GNS: variants seen among roughly 807,000 people sequenced by gnomAD.
GNS encodes N-acetylglucosamine-6-sulfatase.
In GNS, 40 loss-of-function variants were observed where a neutral mutation model predicts 69.7. That is an observed-to-expected ratio of 0.57 (90% CI 0.45 to 0.75). The LOEUF (loss-of-function observed/expected upper bound fraction) is 0.75, where lower values mean the gene tolerates loss of function less well. Ranked by LOEUF, GNS falls within the 30% of genes least tolerant of loss-of-function variation. GNS has a pLI of 0.00. For synonymous variants in GNS, 243 were observed against 251.6 expected (o/e 0.97, Z 0.32); for missense variants, 565 against 685.5 (o/e 0.82, Z 1.96).
intron 5 of GNS, among the ~76,000 whole-genome samples, chr12:64,743,780 A>T (rs1350200786): frequency 1.3e-5 from 2 of 152,248 alleles, no homozygotes; most frequent in Non-Finnish European, 2.9e-5. Flanking sequence ...TAAGTGAATA[A>T]TATTAGATTC....
In GNS at chr12:64,756,667, T is replaced by A. The variant is rs1231342326; in HGVS notation, c.192+2418A>T. 3 of 1,055,174 alleles carry A rather than the reference T, an allele frequency of 2.8e-6. No homozygotes were observed. The East Asian group carries it at 7.8e-5, about 27-fold the overall frequency. The allele number at this position is 1,055,174 out of a possible 1,614,324, so 65.4% of individuals were successfully genotyped here. A position where few individuals can be genotyped will look rare whatever the true frequency, so the allele number is the denominator to read the frequency against. ...AGCACAAGTATAAAAATCCTCATAC[T>A]CTGCTCGGCTCCAAGTAAGTTCTCA... On this transcript the variant is annotated intron_variant, in intron 1 of 13. Coordinates refer to ENST00000258145, the MANE Select transcript of GNS (RefSeq NM_002076.4).
Position 64,754,734 on chromosome 12 carries a change from T to C in GNS, c.193-1977A>G, listed in dbSNP as rs535930074. Among the ~76,000 whole-genome samples the C allele has an allele frequency of 6.4e-4, 97 of 151,854 alleles. 1 individual carries two copies. Among genetic ancestry groups the C allele is most frequent in the Admixed American group, 1.5e-3 (23 of 15,248 alleles). On this transcript the variant is annotated intron_variant, in intron 1 of 13. Transcript: ENST00000258145. Reference sequence around the variant, plus strand: ...CAAGACCCTGGCTCTACAAAAAATATAAAAATTAGCTGGGCATGGTAGTGC... The same window carrying C: ...CAAGACCCTGGCTCTACAAAAAATACAAAAATTAGCTGGGCATGGTAGTGC...
intron 6 of GNS, 98 bp from the exon 7 acceptor site, chr12:64,740,786 A>G: frequency 1.4e-6 from 1 of 722,872 alleles, no homozygotes; most frequent in Non-Finnish European, 2.5e-6. Context: ...CGTTTCACTC[A>G]TACTTCAGCA....
rs555393653 is a variant in GNS at position 64,726,760 on chromosome 12, T to G, written c.1200+2196A>C. Among the ~76,000 whole-genome samples the G allele has an allele frequency of 8.5e-5, 13 of 152,192 alleles. No homozygotes were observed. The South Asian group carries it at 2.1e-3, about 24-fold the overall frequency. On this transcript the variant is annotated intron_variant, in intron 10 of 13. Transcript: ENST00000258145. ...ATCAGCCTGCCTTAGCCTCCCAAATTGCTGGGATTACAGGTGTGAGCCACT... is the reference window on the plus strand; with the variant it reads ...ATCAGCCTGCCTTAGCCTCCCAAATGGCTGGGATTACAGGTGTGAGCCACT...
At chr12:64,750,854 G>A (rs1383732040) in intron 2 of GNS, among the ~76,000 whole-genome samples, 1 of 152,148 alleles carries the variant, frequency 6.6e-6, no homozygotes, top group African/African-American at 2.4e-5. Flanking sequence ...CAAGTCTTCA[G>A]TGAGCTACGT....
intron 9 of GNS, among the ~76,000 whole-genome samples, chr12:64,735,051 A>G (rs1317956115): frequency 1.3e-5 from 2 of 152,176 alleles, no homozygotes; most frequent in Non-Finnish European, 2.9e-5. Flanking sequence ...CGGAGCTTGC[A>G]GTGAGCTGAG....
chr12:64,749,335 C>A (rs1462524365), intron 2 of GNS, among the ~76,000 whole-genome samples: 1 of 145,026 alleles, frequency 6.9e-6, no homozygotes, highest in Non-Finnish European at 1.5e-5. Context: ...TCACTGCAAG[C>A]TCCGCCTCCT....
intron 9 of GNS, among the ~76,000 whole-genome samples, chr12:64,732,067 A>G (rs753867650): frequency 7.2e-5 from 11 of 151,880 alleles, no homozygotes; most frequent in Non-Finnish European, 1.5e-4. Flanking sequence ...GCTCACTGCA[A>G]TCTCCACCTC....
rs536075931 is a variant in GNS at position 64,745,821 on chromosome 12, G to A, written c.460-97C>T. The A allele has an allele frequency of 2.3e-5, 18 of 783,750 alleles. No homozygotes were observed. In the East Asian group the frequency reaches 4.6e-4, roughly 20 times the overall value. The allele number at this position is 783,750 out of a possible 1,614,324, so 48.5% of individuals were successfully genotyped here. ...TTACAATCTTTTTAGACCAGTGCCTGAAACATAGTAGGTACCTAATTTCCC... is the reference window on the plus strand; with the variant it reads ...TTACAATCTTTTTAGACCAGTGCCTAAAACATAGTAGGTACCTAATTTCCC... On this transcript the variant is annotated intron_variant, in intron 3 of 13. Coordinates refer to ENST00000258145, the MANE Select transcript of GNS (RefSeq NM_002076.4).
chr12:64,721,520 T>C, intron 12 of GNS, 75 bp downstream of exon 12: 1 of 798,682 alleles, frequency 1.3e-6, no homozygotes, highest in Non-Finnish European at 2.3e-6. Flanking sequence ...GGAATTGCTC[T>C]TATGCCACCA....
intron 9 of GNS, among the ~76,000 whole-genome samples, chr12:64,732,626 A>G (rs1490160623): frequency 6.7e-6 from 1 of 148,204 alleles, no homozygotes; most frequent in African/African-American, 2.5e-5. Context: ...ACACCTGGCT[A>G]ATTTTTTGTA....
At chr12:64,746,896 G>T (rs1869913702) in intron 3 of GNS, among the ~76,000 whole-genome samples, 1 of 152,122 alleles carries the variant, frequency 6.6e-6, no homozygotes, top group Non-Finnish European at 1.5e-5. Context: ...TGGGGGGAGG[G>T]GAGAATTAAC....
chr12:64,732,952 A>C (rs969574289), intron 9 of GNS, among the ~76,000 whole-genome samples: 6 of 152,086 alleles, frequency 3.9e-5, no homozygotes, highest in Admixed American at 3.9e-4. Context: ...TGTTCTTAGG[A>C]TTTAAGTATA....
At chr12:64,757,736 C>G (rs1485835183) in intron 1 of GNS, among the ~76,000 whole-genome samples, 1 of 152,102 alleles carries the variant, frequency 6.6e-6, no homozygotes, top group East Asian at 1.9e-4. Context: ...ACACATGGAC[C>G]TTTTCTATTC....
At chr12:64,756,357 T>C (rs1870249863) in intron 1 of GNS, among the ~76,000 whole-genome samples, 1 of 152,182 alleles carries the variant, frequency 6.6e-6, no homozygotes, top group Admixed American at 6.5e-5. Context: ...GTTTTACATG[T>C]AAATTAAGGA....
intron 1 of GNS, chr12:64,756,658 TC>T (rs1387430322): frequency 5.4e-6 from 5 of 933,882 alleles, no homozygotes; most frequent in Middle Eastern, 2.1e-4. Flanking sequence ...AGTATAAAAA[TC>T]CTCATACTCT....
At chr12:64,741,658 A>G (rs563517046) in intron 6 of GNS, among the ~76,000 whole-genome samples, 1 of 152,008 alleles carries the variant, frequency 6.6e-6, no homozygotes, top group Admixed American at 6.6e-5. Flanking sequence ...TATTACAGCA[A>G]TTTCCTAAAA....
chr12:64,747,377 A>C (rs1334329566), intron 3 of GNS, among the ~76,000 whole-genome samples: 1 of 152,244 alleles, frequency 6.6e-6, no homozygotes, highest in South Asian at 2.1e-4. Context: ...TGACAGCCAC[A>C]TGACAAACAG....
chr12:64,721,143 C>T (rs1869014200), intron 12 of GNS, among the ~76,000 whole-genome samples: 1 of 152,194 alleles, frequency 6.6e-6, no homozygotes, highest in South Asian at 2.1e-4. Context: ...TCCATACCAA[C>T]CTGTGTTGGC....
Sources: allele counts gnomAD v4.1 joint callset (sites outside exome capture counted in the v4.1 genomes callset), GRCh38; gene constraint gnomAD v4.1.1; transcripts MANE v1.5; gene names NCBI Gene and HGNC (gene_info 2026-07-23, HGNC 2026-07-21).